Variants in GJA5 observed in about 807,000 individuals in gnomAD.
The protein encoded by GJA5 is gap junction protein alpha 5, also known as gap junction alpha-5 protein.
GJA5 carries 3 observed loss-of-function variants against 7.9 expected under a neutral mutation model. That is an observed-to-expected ratio of 0.38 (90% CI 0.17 to 0.99). The LOEUF is 0.99. Among genes scored for constraint, GJA5 ranks in the 50% least tolerant of loss-of-function variants. The pLI, the probability that GJA5 is intolerant of heterozygous loss-of-function variation, is 0.38. For missense variants in GJA5, 390 were observed against 457.9 expected (o/e 0.85, Z 1.35); for synonymous variants, 193 against 181.0 (o/e 1.07, Z -0.53).
rs1006895636 is a variant in GJA5 at position 147,771,536 on chromosome 1, A to T, written c.-34+1716T>A. 3.9e-5 allele frequency among the ~76,000 whole-genome samples: 6 copies of T among 152,316 alleles called. No individual in the cohort carries two copies. The South Asian group carries it at 1.2e-3, about 32-fold the overall frequency. On this transcript the variant is annotated intron_variant, in intron 1 of 1. Coordinates refer to the GJA5 transcript ENST00000430508. ...GTTCTAATGTTCTCAGACCTTAGGC[A>T]GTACTAGGAGAGGGGACAGGAGTGA...
At chr1:147,771,060 G>A (rs1387882022) in intron 1 of GJA5, among the ~76,000 whole-genome samples, 1 of 152,082 alleles carries the variant, frequency 6.6e-6, no homozygotes, top group Non-Finnish European at 1.5e-5. Context: ...CTTTGGCCTT[G>A]GGTCTCCCTG....
chr1:147,759,330 A>T, intron 1 of GJA5, 59 bp from the exon 2 acceptor site: 3 of 904,876 alleles, frequency 3.3e-6, no homozygotes, highest in Non-Finnish European at 5.5e-6. Flanking sequence ...GAAGGTCTGG[A>T]ATGTCTATCA....
Position 147,756,700 on chromosome 1 carries a change from C to G in GJA5, c.*1462G>C, listed in dbSNP as rs1553226451. 1 of 152,208 alleles carries G rather than the reference C, an allele frequency of 6.6e-6. No individual in the cohort carries two copies. The allele number at this position is 152,208 out of a possible 1,614,324, so 9.4% of individuals were successfully genotyped here. On this transcript the variant is annotated 3_prime_UTR_variant, in exon 2 of 2. Coordinates refer to ENST00000579774, the MANE Select transcript of GJA5 (RefSeq NM_181703.4). ...CAAGCCTTTACCCATCCCATCAGCACCCACACACACACACACGTGCATTTT... is the reference window on the plus strand; with the variant it reads ...CAAGCCTTTACCCATCCCATCAGCAGCCACACACACACACACGTGCATTTT...
chr1:147,769,530 A>G (rs1162708563), intron 1 of GJA5, among the ~76,000 whole-genome samples: 1 of 152,198 alleles, frequency 6.6e-6, no homozygotes, highest in Non-Finnish European at 1.5e-5. Flanking sequence ...TAGGCACTCA[A>G]TGATATTAGT....
At position 147,758,382 on chromosome 1, in the gene GJA5, T is replaced by C; in HGVS notation, c.857A>G (p.Asn286Ser). The part of the protein sequence containing the change: ...GGKFFNPFSN[N>S]MASQQNTDNL... ...GTCTGTGTTTTGTTGGGAGGCCATA[T>C]TATTGCTGAAGGGATTGAAGAATTT... The change falls in exon 2 of 2, where the codon AAT becomes AGT. Residue 286 changes from asparagine to serine, a missense_variant. Asn to Ser is a conservative substitution (Grantham distance 46). This residue lies in a region of GJA5 where 354 missense variants were observed against 370.9 expected (regional missense o/e 0.95). Coordinates refer to ENST00000579774, the MANE Select transcript of GJA5 (RefSeq NM_181703.4). The C allele has an allele frequency of 5.0e-6, 8 of 1,614,188 alleles. No individual in the cohort carries two copies. Among genetic ancestry groups the C allele is most frequent in the Non-Finnish European group, 6.8e-6 (8 of 1,180,020 alleles).
At chr1:147,769,989 G>T (rs758906142) in intron 1 of GJA5, among the ~76,000 whole-genome samples, 329 of 151,774 alleles carry the variant, frequency 2.2e-3, no homozygotes, top group Middle Eastern at 0.01. Context: ...CAAGCAGAAG[G>T]CACACTCACA....
At chr1:147,766,950 G>A (rs1664225536) in intron 1 of GJA5, among the ~76,000 whole-genome samples, 1 of 152,170 alleles carries the variant, frequency 6.6e-6, no homozygotes, top group Non-Finnish European at 1.5e-5. Context: ...TATCATATCA[G>A]TGCAGTTTAG....
At chr1:147,763,451 G>A (rs939963335), upstream of GJA5, among the ~76,000 whole-genome samples, 1 of 152,184 alleles carries the variant, frequency 6.6e-6, no homozygotes, top group African/African-American at 2.4e-5. Flanking sequence ...GGGTTTTGGG[G>A]AGAGTCCTAG....
Position 147,758,923 on chromosome 1 carries a change from G to C in GJA5, c.316C>G (p.Arg106Gly). 6.2e-7 allele frequency: 1 copy of C among 1,614,230 alleles called. No individual in the cohort carries two copies. The highest frequency in any genetic ancestry group is 8.5e-7 in the Non-Finnish European group (1 of 1,180,046). The change falls in exon 2 of 2, where the codon CGC (arginine) becomes GGC (glycine). Residue 106 changes from arginine (R) to glycine (G), a missense_variant. Arg to Gly is a moderately radical substitution (Grantham distance 125). Coordinates refer to ENST00000579774, the MANE Select transcript of GJA5 (RefSeq NM_181703.4). ...AMHTVRMQEKRKLREAERAKE... is the reference protein window; with the variant it reads ...AMHTVRMQEKGKLREAERAKE... ...GCCCTCTCGGCCTCCCGTAGCTTGC[G>C]CTTCTCCTGCATGCGCACAGTGTGC...
chr1:147,770,190 T>A lies in GJA5; in HGVS notation c.-34+3062A>T, dbSNP rs180889597. 1.2e-4 allele frequency among the ~76,000 whole-genome samples: 18 copies of A among 152,322 alleles called. 1 individual carries two copies. In the East Asian group the frequency reaches 3.1e-3, roughly 26 times the overall value. On this transcript the variant is annotated intron_variant, in intron 1 of 1. Coordinates refer to the GJA5 transcript ENST00000430508. ...GTGAAAATGCAATGTTATCATTTCATGAAGAGAGGCTCTTTTCTGGTTCCA... is the reference window on the plus strand; with the variant it reads ...GTGAAAATGCAATGTTATCATTTCAAGAAGAGAGGCTCTTTTCTGGTTCCA...
upstream of GJA5, among the ~76,000 whole-genome samples, chr1:147,761,402 A>G (rs587688360): frequency 2.6e-3 from 401 of 152,266 alleles, 8 homozygotes; most frequent in East Asian, 1.5e-3. Flanking sequence ...AGGCTTCCTC[A>G]GCTCTTGAGT....
rs11552588 is a variant in GJA5 at position 147,773,279 on chromosome 1, T to C, written c.-61A>G. 0.19 allele frequency: 28,441 copies of C among 152,214 alleles called. 3,168 individuals are homozygous for C. Among genetic ancestry groups the C allele is most frequent in the East Asian group, 0.33 (1,721 of 5,166 alleles). 9.4% of individuals were successfully genotyped at this position (152,214 alleles called of 1,614,324 possible). On this transcript the variant is annotated 5_prime_UTR_variant, in exon 1 of 2. Coordinates refer to the GJA5 transcript ENST00000430508. ...GCTTCTTTTCCTCCTCCCTGGACTT[T>C]CCTTCCGTGGGCTTCTTCACACTCT...
rs782557229 is a variant in GJA5 at position 147,760,500 on chromosome 1, C to G, written c.-35G>C. Reference sequence around the variant, plus strand: ...TGTGATGGCCCCCGGGACACTTACTCGTCTCCCAGTGCTTGCTGCCTTGTG... The same window carrying G: ...TGTGATGGCCCCCGGGACACTTACTGGTCTCCCAGTGCTTGCTGCCTTGTG... On this transcript the variant is annotated splice_region_variant and 5_prime_UTR_variant, in exon 1 of 2. Transcript: ENST00000579774. 1 of 152,476 alleles carries G rather than the reference C, an allele frequency of 6.6e-6. No individual in the cohort carries two copies. Among genetic ancestry groups the G allele is most frequent in the East Asian group, 1.9e-4 (1 of 5,174 alleles). 9.4% of individuals were successfully genotyped at this position (152,476 alleles called of 1,614,324 possible).
In GJA5 at chr1:147,758,622, A is replaced by G; in HGVS notation, c.617T>C (p.Val206Ala). 1 of 1,614,018 alleles carries G rather than the reference A, an allele frequency of 6.2e-7. No homozygotes were observed. The highest frequency in any genetic ancestry group is 2.2e-5 in the East Asian group (1 of 44,858). The change falls in exon 2 of 2, where the codon GTC becomes GCC. Residue 206 changes from valine (V) to alanine (A), a missense_variant. Val to Ala is a moderately conservative substitution (Grantham distance 64). Around this residue, in one of 2 missense-constraint regions of GJA5, gnomAD observed 354 missense variants for 370.9 expected, o/e 0.95. Transcript: ENST00000579774. ...CYVSRPTEKN[V>A]FIVFMLAVAA... ...CACAGCCAGCATAAAGACAATGAAGACATTCTTCTCTGTGGGCCGGGATAC... is the reference window on the plus strand; with the variant it reads ...CACAGCCAGCATAAAGACAATGAAGGCATTCTTCTCTGTGGGCCGGGATAC...
chr1:147,766,829 T>C (rs1424335756), intron 1 of GJA5, among the ~76,000 whole-genome samples: 1 of 152,120 alleles, frequency 6.6e-6, no homozygotes, highest in Non-Finnish European at 1.5e-5. Context: ...ATAATTCCAC[T>C]CACCATACAG....
At chr1:147,768,638 A>T (rs1377387816) in intron 1 of GJA5, among the ~76,000 whole-genome samples, 3 of 152,220 alleles carry the variant, frequency 2.0e-5, no homozygotes, top group Non-Finnish European at 2.9e-5. Flanking sequence ...CTTATTTTTA[A>T]ACAAGATGAC....
rs781894348 is a variant in GJA5, at chr1:147,756,244, A to T, written c.*1918T>A. The T allele has an allele frequency of 1.3e-5, 2 of 152,228 alleles. No homozygotes were observed. The highest frequency in any genetic ancestry group is 1.3e-4 in the Admixed American group (2 of 15,278). 9.4% of individuals were successfully genotyped at this position (152,228 alleles called of 1,614,324 possible). Reference sequence around the variant, plus strand: ...ATTAAGACAAATTACACATTTTACTATATTTTTCCTTTCTAAAACCCTCAC... The same window carrying T: ...ATTAAGACAAATTACACATTTTACTTTATTTTTCCTTTCTAAAACCCTCAC... On this transcript the variant is annotated 3_prime_UTR_variant, in exon 2 of 2. Transcript: ENST00000579774.
chr1:147,768,934 C>T (rs996549716), intron 1 of GJA5, among the ~76,000 whole-genome samples: 10 of 152,236 alleles, frequency 6.6e-5, no homozygotes, highest in Non-Finnish European at 1.3e-4. Flanking sequence ...AGGACTAGGA[C>T]TGATAGATGA....
rs1663834655 is a variant in GJA5 at position 147,758,461 on chromosome 1, TC to T, written c.777del (p.Ser260AlafsTer124). The T allele has an allele frequency of 1.2e-6, 2 of 1,614,168 alleles. No individual in the cohort carries two copies. The highest frequency in any genetic ancestry group is 1.7e-6 in the Non-Finnish European group (2 of 1,180,020). ...QLSGPSVGIV[Q>X]SCTPPPDFNQ... ...TTAAAGTCGGGGGGTGGTGTGCAGC[TC>T]TGGACTATGCCCACAGAGGGGCCAG... On this transcript the variant is annotated frameshift_variant, in exon 2 of 2. Transcript: ENST00000579774. LOFTEE classifies it high-confidence loss of function.
Sources: gnomAD v4.1 joint callset for allele counts (sites outside exome capture counted in the v4.1 genomes callset) on GRCh38, gnomAD v4.1.1 for gene constraint, gnomAD v4.1.1 regional missense constraint, MANE v1.5 for transcripts, NCBI Gene and HGNC (gene_info 2026-07-23, HGNC 2026-07-21) for gene names.